The following RC3H2 variants were observed in gnomAD, a reference collection of about 807,000 sequenced individuals.
RC3H2 encodes the protein roquin-2.
RC3H2 carries 31 observed loss-of-function variants against 133.3 expected under a neutral mutation model. That is an observed-to-expected ratio of 0.23 (90% confidence interval 0.17 to 0.31). RC3H2 has a LOEUF of 0.31. Ranked by LOEUF, RC3H2 falls within the 10% of genes least tolerant of loss-of-function variation. The pLI is 1.00. For synonymous variants in RC3H2, 517 were observed against 502.2 expected (o/e 1.03, Z -0.40); for missense variants, 1,175 against 1,437.2 (o/e 0.82, Z 2.95).
chr9:122,873,052 G>A (rs900592092), intron 9 of RC3H2, among the ~76,000 whole-genome samples: 52 of 152,096 alleles, frequency 3.4e-4, no homozygotes, highest in African/African-American at 1.2e-3. Flanking sequence ...TGTATTCTAA[G>A]AAGGGATTAT....
chr9:122,877,347 T>G, intron 9 of RC3H2, 124 bp downstream of exon 9: 5 of 717,328 alleles, frequency 7.0e-6, no homozygotes, highest in Non-Finnish European at 9.5e-6. Context: ...ACTACAGGCA[T>G]GAGCTATGGT....
intron 18 of RC3H2, among the ~76,000 whole-genome samples, chr9:122,853,360 A>G (rs1282032759): frequency 6.8e-6 from 1 of 147,140 alleles, no homozygotes; most frequent in Non-Finnish European, 1.5e-5. Context: ...TCTGTGAGAA[A>G]CACCCAAGAA....
intron 18 of RC3H2, among the ~76,000 whole-genome samples, chr9:122,852,911 A>G (rs1830105669): frequency 6.6e-6 from 1 of 152,228 alleles, no homozygotes; most frequent in South Asian, 2.1e-4. Flanking sequence ...ACGGGCCATG[A>G]TGACAATGGC....
rs1256658233 is a variant in RC3H2, at chr9:122,847,605, A to G, written c.*2022T>C. 6.6e-6 allele frequency: 1 copy of G among 151,430 alleles called. No individual in the cohort carries two copies. Among genetic ancestry groups the G allele is most frequent in the East Asian group, 1.9e-4 (1 of 5,142 alleles). The allele number at this position is 151,430 out of a possible 1,614,324, so 9.4% of individuals were successfully genotyped here. A position where few individuals can be genotyped will look rare whatever the true frequency, so the allele number is the denominator to read the frequency against. On this transcript the variant is annotated 3_prime_UTR_variant, in exon 21 of 21. Transcript: ENST00000357244. Reference sequence around the variant, plus strand: ...ATAGAAAGGTTCTGATATAAATTATATAACAATCATGTTCCTGTAATATTC... The same window carrying G: ...ATAGAAAGGTTCTGATATAAATTATGTAACAATCATGTTCCTGTAATATTC...
intron 10 of RC3H2, among the ~76,000 whole-genome samples, chr9:122,861,876 G>A (rs559903417): frequency 1.3e-5 from 2 of 152,288 alleles, no homozygotes; most frequent in East Asian, 1.9e-4. Flanking sequence ...AGGTACAAAC[G>A]TAAGGGTTTA....
rs1021502977 is a variant in RC3H2, at chr9:122,845,608, C to G, written c.*4019G>C. ...AACTGCTCTTGGAGTAAAAATAAGA[C>G]TCCACTCAAATGTGGGGTGTTTTGA... On this transcript the variant is annotated 3_prime_UTR_variant, in exon 21 of 21. Coordinates refer to ENST00000357244, the MANE Select transcript of RC3H2 (RefSeq NM_001100588.3). 1.3e-5 allele frequency: 2 copies of G among 152,182 alleles called. No homozygotes were observed. The highest frequency in any genetic ancestry group is 2.9e-5 in the Non-Finnish European group (2 of 68,010). The allele number at this position is 152,182 out of a possible 1,614,324, so 9.4% of individuals were successfully genotyped here. A position where few individuals can be genotyped will look rare whatever the true frequency, so the allele number is the denominator to read the frequency against.
chr9:122,903,785 T>C (rs1832743135), intron 1 of RC3H2, among the ~76,000 whole-genome samples: 1 of 152,224 alleles, frequency 6.6e-6, no homozygotes, highest in Non-Finnish European at 1.5e-5. Context: ...AAAAGCAGTC[T>C]TTAACAGGAT....
intron 9 of RC3H2, 37 bp downstream of exon 9, chr9:122,877,434 A>T: frequency 6.5e-7 from 1 of 1,537,286 alleles, no homozygotes; most frequent in Non-Finnish European, 9.0e-7. Context: ...AAAAATCAAA[A>T]ATTAAACCCA....
At chr9:122,875,425 G>A in intron 9 of RC3H2, 1 of 1,457,160 alleles carries the variant, frequency 6.9e-7, no homozygotes, top group Non-Finnish European at 9.1e-7. Context: ...TTTCTGTAAA[G>A]GGTTTTTATA....
Position 122,883,184 on chromosome 9 carries a change from CATAG to C in RC3H2, c.759+16_759+19del. ...TGTCTCACAAACAGGCATGTCTTTA[CATAG>C]ATACTTACTGCTTACCTTAAAACAA... On this transcript the variant is annotated intron_variant, in intron 5 of 20. Coordinates refer to ENST00000357244, the MANE Select transcript of RC3H2 (RefSeq NM_001100588.3). The C allele has an allele frequency of 6.2e-7, 1 of 1,605,542 alleles. No homozygotes were observed. The highest frequency in any genetic ancestry group is 8.5e-7 in the Non-Finnish European group (1 of 1,176,078).
At chr9:122,891,705 A>G (rs1406289541) in intron 3 of RC3H2, among the ~76,000 whole-genome samples, 3 of 152,250 alleles carry the variant, frequency 2.0e-5, no homozygotes, top group African/African-American at 7.2e-5. Flanking sequence ...CAATAAATGA[A>G]TGAATGAATA....
chr9:122,882,489 T>A (rs1831689126), intron 5 of RC3H2, among the ~76,000 whole-genome samples: 1 of 152,236 alleles, frequency 6.6e-6, no homozygotes, highest in Non-Finnish European at 1.5e-5. Flanking sequence ...CAAATTTAAA[T>A]GTTTTACTTT....
At position 122,865,498 on chromosome 9, in the gene RC3H2, T is replaced by G. The variant is rs759211658; in HGVS notation, c.1485A>C (p.Gly495=). 8.1e-6 allele frequency: 13 copies of G among 1,614,088 alleles called. No individual in the cohort carries two copies. The South Asian group carries it at 1.4e-4, about 18-fold the overall frequency. The stretch of plus-strand genomic sequence containing the variant: ...AAACACTGTTTTCTGCATTTGAAAT[T>G]CCGTTTGTACTTGGAACAATTTTCC... ...TTGKIVPSTN[G]ISNAENSVSQ... The change falls in exon 10 of 21, where the codon GGA becomes GGC. Residue 495 remains glycine, a synonymous_variant. Coordinates refer to ENST00000357244, the MANE Select transcript of RC3H2 (RefSeq NM_001100588.3).
At chr9:122,879,095 T>A (rs1831476114) in intron 8 of RC3H2, among the ~76,000 whole-genome samples, 1 of 150,094 alleles carries the variant, frequency 6.7e-6, no homozygotes, top group Admixed American at 6.6e-5. Context: ...CTGAAAAGTA[T>A]CTTGAAAATT....
At position 122,859,074 on chromosome 9, in the gene RC3H2, T is replaced by C. The variant is rs1564287699; in HGVS notation, c.1878A>G (p.Pro626=). 1.9e-6 allele frequency: 3 copies of C among 1,593,624 alleles called. No homozygotes were observed. Among genetic ancestry groups the C allele is most frequent in the Non-Finnish European group, 2.6e-6 (3 of 1,167,190 alleles). Residue 626 remains proline, a synonymous_variant, in exon 12 of 21, where the codon CCA becomes CCG. Transcript: ENST00000357244. ...GAGGAACACAGGGAGCCACACCAGC[T>C]GGTACCGTTGGAGGTGGTGGATAGT... The part of the protein sequence containing the change: ...TGYYPPPPTV[P]AGVAPCVPRF...
chr9:122,859,771 C>T (rs1830387126), intron 11 of RC3H2, 146 bp downstream of exon 11: 1 of 681,548 alleles, frequency 1.5e-6, no homozygotes, highest in South Asian at 1.9e-5. Context: ...TTTAGAAGCA[C>T]AGATCCTTGG....
chr9:122,872,557 A>T (rs1401398560), intron 9 of RC3H2, among the ~76,000 whole-genome samples: 1 of 152,208 alleles, frequency 6.6e-6, no homozygotes, highest in Non-Finnish European at 1.5e-5. Context: ...TTTTTCCATT[A>T]GAAACATCTT....
intron 9 of RC3H2, among the ~76,000 whole-genome samples, chr9:122,876,378 A>G (rs1038007819): frequency 6.6e-6 from 1 of 152,184 alleles, no homozygotes; most frequent in Non-Finnish European, 1.5e-5. Context: ...CTGTAATCCC[A>G]GTACTTTGGG....
chr9:122,891,002 A>C (rs1274987391), intron 3 of RC3H2, among the ~76,000 whole-genome samples: 1 of 146,080 alleles, frequency 6.8e-6, no homozygotes, highest in African/African-American at 2.5e-5. Flanking sequence ...TCCCCTACCA[A>C]ATCTGCCCCA....
Sources: gnomAD v4.1 joint callset for allele counts (sites outside exome capture counted in the v4.1 genomes callset) on GRCh38, gnomAD v4.1.1 for gene constraint, MANE v1.5 for transcripts, NCBI Gene and HGNC (gene_info 2026-07-23, HGNC 2026-07-21) for gene names.